Variants in NPFFR2 observed in about 807,000 individuals in gnomAD.
NPFFR2 encodes the protein neuropeptide FF receptor 2.
NPFFR2 carries 15 observed loss-of-function variants against 13.1 expected under a neutral mutation model. The ratio of observed to expected loss-of-function variants is 1.15; its 90% CI spans 0.77 to 1.76. NPFFR2 has a LOEUF of 1.76. Among genes scored for constraint, NPFFR2 ranks in the 40% most tolerant of loss-of-function variants. The probability of loss-of-function intolerance (pLI) is 0.00; values close to 1 mark genes in which losing one functional copy is unlikely to be tolerated. For missense variants in NPFFR2, 572 were observed against 503.5 expected, an observed-to-expected ratio of 1.14 and a Z score of -1.30; for synonymous variants, 190 against 175.7, an observed-to-expected ratio of 1.08 and a Z score of -0.65.
intron 1 of NPFFR2, among the ~76,000 whole-genome samples, chr4:72,111,916 A>C (rs938667659): frequency 6.6e-6 from 1 of 152,034 alleles, no homozygotes; most frequent in Admixed American, 6.6e-5. Context: ...CTTTCATAGC[A>C]CTGCCTTGAT....
rs768469873 is a variant in NPFFR2, at chr4:72,128,856, A to G, written c.265A>G (p.Ile89Val). The change falls in exon 2 of 4, where the codon ATA (isoleucine) becomes GTA (valine). Residue 89 changes from isoleucine (I) to valine (V), a missense_variant. By Grantham distance (29) the Ile-to-Val change is conservative. Transcript: ENST00000308744. The part of the protein sequence containing the change: ...VTNLFILNLA[I>V]SDLLVGIFCM... ...TAATCTCTTCATCTTAAACCTGGCC[A>G]TAAGTGATTTACTAGTTGGCATATT... The G allele has an allele frequency of 3.7e-6, 6 of 1,613,962 alleles. No homozygotes were observed. Among genetic ancestry groups the G allele is most frequent in the Admixed American group, 1.7e-5 (1 of 60,006 alleles).
intron 1 of NPFFR2, among the ~76,000 whole-genome samples, chr4:72,115,487 T>G (rs891092570): frequency 3.9e-5 from 6 of 152,180 alleles, no homozygotes; most frequent in African/African-American, 1.4e-4. Context: ...AACAAGGTCT[T>G]AGACCAAGTC....
intron 1 of NPFFR2, chr4:72,039,042 C>CTGCAGGCGCCTGCCA (rs1553887295): frequency 6.8e-6 from 1 of 146,338 alleles, no homozygotes; most frequent in Non-Finnish European, 1.5e-5. Context: ...GTAGCTGGGA[C>CTGCAGGCGCCTGCCA]TGGCGCCTGG....
At chr4:72,137,066 C>T (rs554263252) in intron 2 of NPFFR2, among the ~76,000 whole-genome samples, 2 of 152,118 alleles carry the variant, frequency 1.3e-5, no homozygotes, top group Non-Finnish European at 2.9e-5. Flanking sequence ...TAAGCTAACA[C>T]ATTTTAGAAC....
rs1325658820 is a variant in NPFFR2, at chr4:72,037,362, C to T, written c.-8+5162C>T. ...GAGGTTGCAGTGAGCCATGATTATG[C>T]CACTGCACTCCAGCTTCGGCAACAG... On this transcript the variant is annotated intron_variant, in intron 1 of 3. Coordinates refer to ENST00000308744, the MANE Select transcript of NPFFR2 (RefSeq NM_004885.3). 1.3e-5 allele frequency among the ~76,000 whole-genome samples: 2 copies of T among 149,850 alleles called. 1 individual carries two copies. Among genetic ancestry groups the T allele is most frequent in the African/African-American group, 4.9e-5 (2 of 40,664 alleles).
At chr4:72,034,163 G>A (rs766601923) in intron 1 of NPFFR2, among the ~76,000 whole-genome samples, 14 of 152,286 alleles carry the variant, frequency 9.2e-5, no homozygotes, top group Admixed American at 2.0e-4. Flanking sequence ...AAACTGTCAA[G>A]CACATTCAAA....
intron 3 of NPFFR2, 27 bp from the exon 4 acceptor site, chr4:72,146,951 C>T (rs770555948): frequency 1.4e-6 from 2 of 1,478,276 alleles, no homozygotes; most frequent in Admixed American, 1.7e-5. Flanking sequence ...GAAGCAGTGC[C>T]TCATTTATAT....
chr4:72,039,830 A>G (rs1312368451), intron 1 of NPFFR2, among the ~76,000 whole-genome samples: 1 of 152,206 alleles, frequency 6.6e-6, no homozygotes, highest in Non-Finnish European at 1.5e-5. Context: ...AAGTACTACA[A>G]ATAATTACAT....
At chr4:72,045,904 GC>G (rs1301271811) in intron 1 of NPFFR2, among the ~76,000 whole-genome samples, 1 of 152,004 alleles carries the variant, frequency 6.6e-6, no homozygotes, top group African/African-American at 2.4e-5. Context: ...ATTTTTACTT[GC>G]TTTGATCAAT....
At chr4:72,142,432 T>C (rs1001586278) in intron 3 of NPFFR2, among the ~76,000 whole-genome samples, 5 of 152,132 alleles carry the variant, frequency 3.3e-5, no homozygotes, top group Non-Finnish European at 7.4e-5. Flanking sequence ...CTCCGTGGGC[T>C]GCACCCACTG....
chr4:72,060,036 G>C (rs188492260), intron 1 of NPFFR2, among the ~76,000 whole-genome samples: 2 of 152,220 alleles, frequency 1.3e-5, no homozygotes, highest in African/African-American at 4.8e-5. Context: ...TTCTCAAGTA[G>C]ATCCAGCTTC....
At chr4:72,036,242 C>G (rs1719035453) in intron 1 of NPFFR2, among the ~76,000 whole-genome samples, 1 of 152,046 alleles carries the variant, frequency 6.6e-6, no homozygotes, top group African/African-American at 2.4e-5. Context: ...ATAATGAACT[C>G]ATGTAGTCTC....
At chr4:72,127,366 T>TC (rs1352733746) in intron 1 of NPFFR2, among the ~76,000 whole-genome samples, 4 of 107,290 alleles carry the variant, frequency 3.7e-5, no homozygotes, top group African/African-American at 1.3e-4. Flanking sequence ...TTTTCTTTTT[T>TC]TTTTTTTTTT....
At chr4:72,061,113 G>GA (rs1436965288) in intron 1 of NPFFR2, among the ~76,000 whole-genome samples, 1 of 152,056 alleles carries the variant, frequency 6.6e-6, no homozygotes, top group East Asian at 1.9e-4. Context: ...TCAAGTTTTA[G>GA]AAAAAAATCA....
intron 1 of NPFFR2, among the ~76,000 whole-genome samples, chr4:72,092,208 T>TA (rs1339190639): frequency 3.3e-5 from 5 of 152,106 alleles, no homozygotes; most frequent in Non-Finnish European, 1.5e-5. Context: ...GAGTACTTGA[T>TA]ATAATCTCAA....
At chr4:72,032,285 A>T in intron 1 of NPFFR2, 85 bp downstream of exon 1, 1 of 1,373,062 alleles carries the variant, frequency 7.3e-7, no homozygotes, top group African/African-American at 1.5e-5. Flanking sequence ...TTGATGACAC[A>T]TATTAGCGAT....
chr4:72,068,962 A>C, intron 1 of NPFFR2: 1 of 1,435,590 alleles, frequency 7.0e-7, no homozygotes. Flanking sequence ...TTGACATACA[A>C]GAAACATCAA....
Position 72,148,105 on chromosome 4 carries a change from C to T in NPFFR2, c.*293C>T. 1 of 279,448 alleles carries T rather than the reference C, an allele frequency of 3.6e-6. No homozygotes were observed. The allele number at this position is 279,448 out of a possible 1,614,324, so 17.3% of individuals were successfully genotyped here. A position where few individuals can be genotyped will look rare whatever the true frequency, so the allele number is the denominator to read the frequency against. On this transcript the variant is annotated 3_prime_UTR_variant, in exon 4 of 4. Transcript: ENST00000308744. Reference sequence around the variant, plus strand: ...CAAACTTAACCATTTGTGTATGCGTCAAATCAAGCCTGCACGCGTGCGTGC... The same window carrying T: ...CAAACTTAACCATTTGTGTATGCGTTAAATCAAGCCTGCACGCGTGCGTGC...
rs75992856 is a variant in NPFFR2, at chr4:72,108,564, A to G, written c.-7-20021A>G. Among the ~76,000 whole-genome samples, 603 of 152,098 alleles carry G rather than the reference A, an allele frequency of 4.0e-3. 6 individuals are homozygous for G. Among genetic ancestry groups the G allele is most frequent in the African/African-American group, 0.014 (584 of 41,544 alleles). ...AAAGAATTAAGGCATCTAATACCTT[A>G]AAAAACCCCAAAAGAATTGGAGGAA... On this transcript the variant is annotated intron_variant, in intron 1 of 3. Transcript: ENST00000308744.
Sources: allele counts gnomAD v4.1 joint callset (sites outside exome capture counted in the v4.1 genomes callset), GRCh38; gene constraint gnomAD v4.1.1; transcripts MANE v1.5; gene names NCBI Gene and HGNC (gene_info 2026-07-23, HGNC 2026-07-21).